The following FIP1L1 variants were observed in gnomAD, a reference collection of about 807,000 sequenced individuals.
FIP1L1 encodes factor interacting with PAPOLA and CPSF1, also known as pre-mRNA 3'-end-processing factor FIP1.
FIP1L1 carries 21 observed loss-of-function variants against 84.6 expected under a neutral mutation model. That is an observed-to-expected ratio of 0.25 (90% confidence interval 0.18 to 0.36). FIP1L1 has a LOEUF of 0.36. Ranked by LOEUF, FIP1L1 falls within the 10% of genes least tolerant of loss-of-function variation. The pLI, the probability that FIP1L1 is intolerant of heterozygous loss-of-function variation, is 1.00. For missense variants in FIP1L1, 526 were observed against 751.1 expected, an observed-to-expected ratio of 0.70 and a Z score of 3.50; for synonymous variants, 263 against 242.3, an observed-to-expected ratio of 1.09 and a Z score of -0.80.
chr4:53,379,055 C>T lies in FIP1L1; in HGVS notation c.86-18C>T, dbSNP rs780524523. The T allele has an allele frequency of 3.7e-5, 59 of 1,611,670 alleles. No individual in the cohort carries two copies. The highest frequency in any genetic ancestry group is 4.8e-5 in the Non-Finnish European group (57 of 1,179,304). On this transcript the variant is annotated intron_variant, in intron 1 of 17. Coordinates refer to ENST00000337488, the MANE Select transcript of FIP1L1 (RefSeq NM_030917.4). Reference sequence around the variant, plus strand: ...GTTAAGTAATTATAAGGTGATCTAACTTTGGATGTGCTTATAGGCCCATGG... The same window carrying T: ...GTTAAGTAATTATAAGGTGATCTAATTTTGGATGTGCTTATAGGCCCATGG...
chr4:53,433,369 T>G (rs896168687), intron 13 of FIP1L1, among the ~76,000 whole-genome samples: 1 of 152,234 alleles, frequency 6.6e-6, no homozygotes, highest in Non-Finnish European at 1.5e-5. Flanking sequence ...CTCATATAAG[T>G]GGAATCATGC....
intron 5 of FIP1L1, 52 bp from the exon 6 acceptor site, chr4:53,389,757 T>C: frequency 2.8e-6 from 4 of 1,415,754 alleles, no homozygotes; most frequent in South Asian, 1.2e-5. Flanking sequence ...ATTACTGTTT[T>C]GTTTAAGCTT....
chr4:53,426,283 T>C (rs1287507633), intron 12 of FIP1L1, among the ~76,000 whole-genome samples: 1 of 152,174 alleles, frequency 6.6e-6, no homozygotes, highest in African/African-American at 2.4e-5. Flanking sequence ...CATACGTATG[T>C]AATCTTAGAG....
chr4:53,454,575 T>C (rs1415672961), intron 16 of FIP1L1, among the ~76,000 whole-genome samples: 2 of 152,200 alleles, frequency 1.3e-5, no homozygotes, highest in Non-Finnish European at 2.9e-5. Context: ...CTTAAAATAT[T>C]CAGTAAACCA....
intron 10 of FIP1L1, among the ~76,000 whole-genome samples, chr4:53,403,100 T>A (rs975012766): frequency 2.0e-5 from 3 of 152,142 alleles, no homozygotes; most frequent in African/African-American, 7.2e-5. Context: ...TTTTTGGAGT[T>A]CTGTGAATAA....
chr4:53,445,426 AAG>A (rs1273421525), intron 15 of FIP1L1, among the ~76,000 whole-genome samples: 6 of 152,202 alleles, frequency 3.9e-5, no homozygotes, highest in Admixed American at 3.3e-4. Flanking sequence ...GCACATTAAC[AAG>A]AGAGAAAAGA....
At chr4:53,423,376 C>T (rs868415972) in intron 11 of FIP1L1, among the ~76,000 whole-genome samples, 3 of 152,212 alleles carry the variant, frequency 2.0e-5, no homozygotes, top group South Asian at 2.1e-4. Context: ...ATCAAACCTA[C>T]GCTTTGGGGA....
rs1243110246 is a variant in FIP1L1 at position 53,377,655 on chromosome 4, G to A, written c.-184G>A. ...TTGGGTCTCCTGCGCATGCGCAGAC[G>A]GACCTGCGCTGGAGGCTTCATCTTT... is the stretch of plus-strand genomic sequence containing the variant. On this transcript the variant is annotated 5_prime_UTR_variant, in exon 1 of 18. Coordinates refer to ENST00000337488, the MANE Select transcript of FIP1L1 (RefSeq NM_030917.4). The A allele has an allele frequency of 2.0e-6, 1 of 498,240 alleles. No homozygotes were observed. The highest frequency in any genetic ancestry group is 2.0e-5 in the African/African-American group (1 of 50,024). The allele number at this position is 498,240 out of a possible 1,614,324, so 30.9% of individuals were successfully genotyped here.
At chr4:53,453,199 T>C (rs765911276) in intron 16 of FIP1L1, 66 bp downstream of exon 16, 141 of 1,575,828 alleles carry the variant, frequency 8.9e-5, no homozygotes, top group Non-Finnish European at 1.2e-4. Context: ...ATTTTCGTTA[T>C]GAGGAAGTGA....
chr4:53,448,555 G>C (rs1422154294), intron 15 of FIP1L1, among the ~76,000 whole-genome samples: 1 of 152,094 alleles, frequency 6.6e-6, no homozygotes, highest in East Asian at 1.9e-4. Flanking sequence ...AATCCTGACA[G>C]TTTTAAAGTA....
intron 6 of FIP1L1, among the ~76,000 whole-genome samples, 173 bp from the exon 7 acceptor site, chr4:53,390,348 T>C (rs2149375444): frequency 6.6e-6 from 1 of 152,314 alleles, no homozygotes; most frequent in Admixed American, 6.5e-5. Context: ...CTCTGCTTTG[T>C]TTGGAACCCT....
chr4:53,411,951 G>C (rs1757421587), intron 10 of FIP1L1, among the ~76,000 whole-genome samples: 1 of 151,936 alleles, frequency 6.6e-6, no homozygotes, highest in Non-Finnish European at 1.5e-5. Flanking sequence ...ACATACTTTT[G>C]TAAACCAGGA....
intron 10 of FIP1L1, among the ~76,000 whole-genome samples, chr4:53,411,119 A>G (rs1402189256): frequency 6.6e-6 from 1 of 152,150 alleles, no homozygotes; most frequent in Non-Finnish European, 1.5e-5. Flanking sequence ...GTTGGATTTA[A>G]CAGAGGTTGA....
At position 53,377,797 on chromosome 4, in the gene FIP1L1, G is replaced by A; in HGVS notation, c.-42G>A. ...TGCGAGGCTGGGGAAGGGGTTGGAGGGGGCTGTTGATCGCCGCGTTTAAGT... is the reference window on the plus strand; with the variant it reads ...TGCGAGGCTGGGGAAGGGGTTGGAGAGGGCTGTTGATCGCCGCGTTTAAGT... On this transcript the variant is annotated 5_prime_UTR_variant, in exon 1 of 18. Transcript: ENST00000337488. The A allele has an allele frequency of 6.6e-7, 1 of 1,509,962 alleles. No individual in the cohort carries two copies. The highest frequency in any genetic ancestry group is 8.9e-7 in the Non-Finnish European group (1 of 1,122,634). The allele number at this position is 1,509,962 out of a possible 1,614,324, so 93.5% of individuals were successfully genotyped here. A position where few individuals can be genotyped will look rare whatever the true frequency, so the allele number is the denominator to read the frequency against.
At position 53,430,017 on chromosome 4, in the gene FIP1L1, G is replaced by A. The variant is rs528136047; in HGVS notation, c.1174+1834G>A. Among the ~76,000 whole-genome samples the A allele has an allele frequency of 3.9e-5, 6 of 152,206 alleles. No homozygotes were observed. The South Asian group carries it at 8.3e-4, about 21-fold the overall frequency. On this transcript the variant is annotated intron_variant, in intron 13 of 17. Coordinates refer to ENST00000337488, the MANE Select transcript of FIP1L1 (RefSeq NM_030917.4). ...CTTCTATGAGTTGGATCATATAAGC[G>A]AGATTGTGCAGTAATTGTCTTTCTG...
chr4:53,391,376 C>T, intron 8 of FIP1L1, 54 bp from the exon 9 acceptor site: 1 of 1,453,082 alleles, frequency 6.9e-7, no homozygotes, highest in Admixed American at 1.7e-5. Context: ...TTTATATGGC[C>T]TATTAATTAA....
chr4:53,450,802 G>C (rs1452056116), intron 15 of FIP1L1, among the ~76,000 whole-genome samples: 1 of 152,080 alleles, frequency 6.6e-6, no homozygotes, highest in Non-Finnish European at 1.5e-5. Flanking sequence ...ATTTCTATTA[G>C]TTTTTACTTT....
intron 5 of FIP1L1, among the ~76,000 whole-genome samples, chr4:53,386,907 G>A (rs560452676): frequency 1.3e-4 from 20 of 152,322 alleles, no homozygotes; most frequent in African/African-American, 4.6e-4. Context: ...GAAAAGAGGG[G>A]TGATAAAGGG....
chr4:53,448,766 G>GT (rs1187577341), intron 15 of FIP1L1, among the ~76,000 whole-genome samples: 3 of 152,084 alleles, frequency 2.0e-5, no homozygotes, highest in African/African-American at 7.2e-5. Flanking sequence ...ACAGCATTGA[G>GT]TTTATCAGTG....
Sources: gnomAD v4.1 joint callset for allele counts (sites outside exome capture counted in the v4.1 genomes callset) on GRCh38, gnomAD v4.1.1 for gene constraint, MANE v1.5 for transcripts, NCBI Gene and HGNC (gene_info 2026-07-23, HGNC 2026-07-21) for gene names.